The following PLA2G4E variants were observed in gnomAD, a reference collection of about 807,000 sequenced individuals.
PLA2G4E encodes phospholipase A2 group IVE, also known as cytosolic phospholipase A2 epsilon.
In PLA2G4E, 84 loss-of-function variants were observed where a neutral mutation model predicts 109.1. That is an observed-to-expected ratio of 0.77 (90% CI 0.65 to 0.92). The LOEUF (loss-of-function observed/expected upper bound fraction) is 0.92, where lower values mean the gene tolerates loss of function less well. Ranked by LOEUF, PLA2G4E falls within the 40% of genes least tolerant of loss-of-function variation. PLA2G4E has a pLI of 0.00. For synonymous variants in PLA2G4E, 469 were observed against 436.1 expected, an observed-to-expected ratio of 1.08 and a Z score of -0.94; for missense variants, 1,057 against 1,076.6, an observed-to-expected ratio of 0.98 and a Z score of 0.25.
At chr15:42,027,079 C>T (rs1344287330) in intron 1 of PLA2G4E, among the ~76,000 whole-genome samples, 21 of 152,098 alleles carry the variant, frequency 1.4e-4, no homozygotes. Context: ...TGGCTGGAAG[C>T]ATGAATGGGG....
intron 10 of PLA2G4E, 21 bp downstream of exon 10, chr15:41,999,503 G>A (rs756952973): frequency 6.4e-7 from 1 of 1,558,210 alleles, no homozygotes; most frequent in Non-Finnish European, 8.9e-7. Context: ...GAGAGGCACG[G>A]ACAGAATGCG....
chr15:42,013,577 G>T (rs1471915271), intron 2 of PLA2G4E, 108 bp downstream of exon 2: 1 of 1,059,340 alleles, frequency 9.4e-7, no homozygotes, highest in Non-Finnish European at 1.4e-6. Flanking sequence ...ACGTGCACAC[G>T]TGCGCGCGCA....
rs1668545 is a variant in PLA2G4E, at chr15:42,050,620, G to A, written c.84C>T (p.Gly28=). Reference sequence around the variant, plus strand: ...CACTGAAACTTCTTCCTGACCTGCTGCCTTCTTCATCCGTTTGTGGGCTCT... The same window carrying A: ...CACTGAAACTTCTTCCTGACCTGCTACCTTCTTCATCCGTTTGTGGGCTCT... Residue 28 remains glycine (G), a synonymous_variant, in exon 1 of 20, where the codon GGC becomes GGT. Transcript: ENST00000399518. 0.097 allele frequency: 150,584 copies of A among 1,549,768 alleles called. 8,098 individuals are homozygous for A. Among genetic ancestry groups the A allele is most frequent in the South Asian group, 0.19 (16,123 of 83,882 alleles).
At chr15:42,007,361 T>C (rs1363158432) in intron 3 of PLA2G4E, among the ~76,000 whole-genome samples, 1 of 152,262 alleles carries the variant, frequency 6.6e-6, no homozygotes, top group African/African-American at 2.4e-5. Flanking sequence ...GAGAACCCTC[T>C]GGCTGGAATT....
At chr15:41,989,420 A>T in exon 15 of PLA2G4E, 2 of 1,614,004 alleles carry the variant, frequency 1.2e-6, no homozygotes, top group East Asian at 2.2e-5. Context: ...GTCACCTAGC[A>T]TGTAGCAGAT....
chr15:42,001,054 C>G, intron 7 of PLA2G4E, 103 bp downstream of exon 7: 1 of 1,262,594 alleles, frequency 7.9e-7, no homozygotes, highest in Non-Finnish European at 1.1e-6. Context: ...TTTGGTCCCC[C>G]TGAGCCCAGG....
intron 1 of PLA2G4E, among the ~76,000 whole-genome samples, chr15:42,026,946 C>A (rs769796376): frequency 6.7e-6 from 1 of 149,574 alleles, no homozygotes; most frequent in Non-Finnish European, 1.5e-5. Context: ...GCCCTCCAAC[C>A]TGGGCGACAG....
intron 1 of PLA2G4E, among the ~76,000 whole-genome samples, chr15:42,025,533 T>A (rs1204451887): frequency 6.6e-6 from 1 of 152,062 alleles, no homozygotes; most frequent in Admixed American, 6.6e-5. Flanking sequence ...CCTATCTTAG[T>A]GCACCTGAAG....
At chr15:42,038,879 T>C (rs765485709) in intron 1 of PLA2G4E, among the ~76,000 whole-genome samples, 8 of 152,254 alleles carry the variant, frequency 5.3e-5, no homozygotes, top group Non-Finnish European at 1.2e-4. Flanking sequence ...TAATTGTTAC[T>C]GATTCACACT....
rs777107836 is a variant in PLA2G4E, at chr15:42,000,271, G to A, written c.685C>T (p.Leu229=). The A allele has an allele frequency of 1.3e-5, 20 of 1,569,362 alleles. No individual in the cohort carries two copies. The South Asian group carries it at 2.0e-4, about 16-fold the overall frequency. Residue 229 remains leucine (L), a synonymous_variant, in exon 8 of 20, where the codon CTG becomes TTG. Coordinates refer to ENST00000399518, the Ensembl canonical transcript of PLA2G4E. ...TCAAAGGATTCGTTCACCATCACCA[G>A]GAGGTCCTTCACTGGGAGAGAGGAC... is the stretch of plus-strand genomic sequence containing the variant.
At chr15:42,024,062 A>G (rs2068671864) in intron 1 of PLA2G4E, among the ~76,000 whole-genome samples, 1 of 152,130 alleles carries the variant, frequency 6.6e-6, no homozygotes, top group African/African-American at 2.4e-5. Flanking sequence ...CAAGAATGTA[A>G]AATCTAGAAA....
chr15:42,036,865 C>T (rs1243710315), intron 1 of PLA2G4E, among the ~76,000 whole-genome samples: 1 of 152,192 alleles, frequency 6.6e-6, no homozygotes, highest in Non-Finnish European at 1.5e-5. Context: ...TGGGAGTCCC[C>T]CCGACCCCCC....
At chr15:41,996,350 G>GAAAAAAAAA (rs34559872) in intron 11 of PLA2G4E, among the ~76,000 whole-genome samples, 919 of 75,078 alleles carry the variant, frequency 0.012, 65 homozygotes, top group East Asian at 0.032. Flanking sequence ...CCTGTCTCAA[G>GAAAAAAAAA]AAAAAAAAAA....
At chr15:42,005,745 C>T (rs537555701) in intron 4 of PLA2G4E, among the ~76,000 whole-genome samples, 2 of 152,332 alleles carry the variant, frequency 1.3e-5, no homozygotes, top group South Asian at 2.1e-4. Context: ...ATTTAAGTCC[C>T]ACAACAACCT....
chr15:42,044,980 A>G (rs977545399), intron 1 of PLA2G4E, among the ~76,000 whole-genome samples: 6 of 152,082 alleles, frequency 3.9e-5, no homozygotes, highest in Non-Finnish European at 8.8e-5. Context: ...CCTACACGGC[A>G]TGGTGATAGA....
chr15:42,045,154 G>T (rs539478483), intron 1 of PLA2G4E, among the ~76,000 whole-genome samples: 4 of 152,278 alleles, frequency 2.6e-5, no homozygotes, highest in Non-Finnish European at 4.4e-5. Flanking sequence ...AGTCTCAGGG[G>T]GCTGAGCCTT....
intron 11 of PLA2G4E, 139 bp downstream of exon 11, chr15:41,996,985 C>T: frequency 3.5e-6 from 4 of 1,136,238 alleles, no homozygotes; most frequent in South Asian, 1.8e-5. Flanking sequence ...GCACAGCTCT[C>T]ACCAGGGCGC....
chr15:41,995,608 C>G (rs1407572970), intron 11 of PLA2G4E, 112 bp from the exon 12 acceptor site: 1 of 1,435,666 alleles, frequency 7.0e-7, no homozygotes, highest in African/African-American at 1.4e-5. Flanking sequence ...GAGCTGGCTA[C>G]AGAGGGCAGG....
exon 20 of PLA2G4E, chr15:41,983,868 G>C (rs367966299): frequency 1.9e-6 from 3 of 1,613,254 alleles, no homozygotes; most frequent in Non-Finnish European, 2.5e-6. Context: ...TCACCAGCTT[G>C]TCAAAGGTGG....
Sources: gnomAD v4.1 joint callset for allele counts (sites outside exome capture counted in the v4.1 genomes callset) on GRCh38, gnomAD v4.1.1 for gene constraint, MANE v1.5 for transcripts, NCBI Gene and HGNC (gene_info 2026-07-23, HGNC 2026-07-21) for gene names.